SNX24: variants seen among roughly 807,000 people sequenced by gnomAD.
SNX24 encodes the protein sorting nexin 24.
Under a neutral mutation model 28.7 loss-of-function variants are expected in SNX24, and 22 were observed. The observed-to-expected ratio is 0.77, with a 90% CI of 0.55 to 1.10. SNX24 has a LOEUF of 1.10. SNX24 is among the 50% of genes least tolerant of loss of function. SNX24 has a pLI of 0.00. For synonymous variants in SNX24, 69 were observed against 71.5 expected, an observed-to-expected ratio of 0.96 and a Z score of 0.18; for missense variants, 221 against 201.1, an observed-to-expected ratio of 1.10 and a Z score of -0.60.
At chr5:123,029,193 T>C in intron 5 of SNX24, 1 of 1,566,212 alleles carries the variant, frequency 6.4e-7, no homozygotes, top group African/African-American at 1.4e-5. Flanking sequence ...AAGTCAAATG[T>C]GGTAAGGTTC....
chr5:122,926,706 AT>A (rs1431309552), intron 1 of SNX24, among the ~76,000 whole-genome samples: 1 of 152,204 alleles, frequency 6.6e-6, no homozygotes, highest in Non-Finnish European at 1.5e-5. Flanking sequence ...ACAGTGAGAT[AT>A]GGTTTCCAAA....
At chr5:122,921,166 T>C (rs993707387) in intron 1 of SNX24, among the ~76,000 whole-genome samples, 9 of 152,264 alleles carry the variant, frequency 5.9e-5, no homozygotes, top group Admixed American at 2.0e-4. Context: ...TTTTTTTAAC[T>C]TTAACAAAAG....
intron 1 of SNX24, among the ~76,000 whole-genome samples, chr5:122,925,187 A>G (rs1431252031): frequency 6.5e-5 from 3 of 46,280 alleles, no homozygotes; most frequent in African/African-American, 2.6e-4. Context: ...ATCCCCTCCC[A>G]TCCTTCTTCC....
chr5:123,007,869 C>T lies in SNX24; in HGVS notation c.*120C>T. 1 of 1,501,062 alleles carries T rather than the reference C, an allele frequency of 6.7e-7. No homozygotes were observed. The highest frequency in any genetic ancestry group is 8.9e-7 in the Non-Finnish European group (1 of 1,127,958). The allele number at this position is 1,501,062 out of a possible 1,614,324, so 93.0% of individuals were successfully genotyped here. ...AACAGCTCTAGCTAGTGGTAAAGTG[C>T]ACAGTCCCAGCTTAATTCAGGGCAG... On this transcript the variant is annotated 3_prime_UTR_variant, in exon 7 of 7. Coordinates refer to ENST00000261369, the MANE Select transcript of SNX24 (RefSeq NM_014035.4).
intron 1 of SNX24, among the ~76,000 whole-genome samples, chr5:122,860,698 G>A (rs527658692): frequency 2.0e-5 from 3 of 152,228 alleles, no homozygotes; most frequent in South Asian, 2.1e-4. Flanking sequence ...CCGGGTTCAC[G>A]CCATTCTCCT....
At chr5:122,892,339 TTAAC>T (rs1757009511) in intron 1 of SNX24, among the ~76,000 whole-genome samples, 1 of 152,326 alleles carries the variant, frequency 6.6e-6, no homozygotes, top group East Asian at 1.9e-4. Context: ...GACCCAGTGG[TTAAC>T]TAGAGTAATG....
chr5:122,923,256 T>C (rs1011771532), intron 1 of SNX24, among the ~76,000 whole-genome samples: 1 of 151,718 alleles, frequency 6.6e-6, no homozygotes, highest in Non-Finnish European at 1.5e-5. Flanking sequence ...GGAGTATAGC[T>C]TGAGCCCAGG....
At chr5:123,012,682 CAATA>C (rs1461705234), downstream of SNX24, among the ~76,000 whole-genome samples, 1 of 152,088 alleles carries the variant, frequency 6.6e-6, no homozygotes, top group Non-Finnish European at 1.5e-5. Context: ...ACAATAAAAA[CAATA>C]AAGGCTTTTG....
chr5:122,956,349 T>TC (rs1318752024), intron 3 of SNX24, among the ~76,000 whole-genome samples: 1 of 74,542 alleles, frequency 1.3e-5, no homozygotes, highest in Non-Finnish European at 2.4e-5. Context: ...TTAAAACACT[T>TC]GGGAAAAAAA....
At position 123,016,574 on chromosome 5, in the gene SNX24, G is replaced by A. The variant is rs75221572; in HGVS notation, n.384-12664G>A. On this transcript the variant is annotated intron_variant and non_coding_transcript_variant, in intron 5 of 5. Transcript: ENST00000502387. ...TGAAGAGTGGACTGGACAGGCTCAG[G>A]ATTTGAAGCAGAGAGACTTAGGAGG... Among the ~76,000 whole-genome samples, 546 of 152,310 alleles carry A rather than the reference G, an allele frequency of 3.6e-3. 1 individual carries two copies. Among genetic ancestry groups the A allele is most frequent in the Non-Finnish European group, 6.6e-3 (450 of 68,020 alleles).
chr5:123,013,752 C>A (rs1006203799), downstream of SNX24, among the ~76,000 whole-genome samples: 1 of 152,056 alleles, frequency 6.6e-6, no homozygotes, highest in East Asian at 1.9e-4. Flanking sequence ...CATTGGTGTC[C>A]CTAGCTACAA....
chr5:122,845,976 G>T (rs1183868803), intron 1 of SNX24, among the ~76,000 whole-genome samples: 1 of 152,166 alleles, frequency 6.6e-6, no homozygotes. Flanking sequence ...TCTCCCCGCC[G>T]CCCGCCTTCG....
chr5:123,019,031 T>A (rs6880480), intron 5 of SNX24, among the ~76,000 whole-genome samples: 37,617 of 152,038 alleles, frequency 0.25, 5,579 homozygotes, highest in Non-Finnish European at 0.35. Context: ...TATTTGTCAG[T>A]TGGTCTTTTT....
chr5:123,002,416 A>G (rs548268587), intron 6 of SNX24, among the ~76,000 whole-genome samples: 55 of 152,278 alleles, frequency 3.6e-4, no homozygotes, highest in African/African-American at 1.3e-3. Context: ...GTGGATCATG[A>G]GGTCAGGAGA....
chr5:122,851,163 G>T (rs1415847716), intron 1 of SNX24, among the ~76,000 whole-genome samples: 4 of 152,014 alleles, frequency 2.6e-5, no homozygotes, highest in African/African-American at 9.7e-5. Flanking sequence ...TGAGTTTTTT[G>T]GTTTTGTTTT....
At chr5:122,914,919 A>G (rs1758092379) in intron 1 of SNX24, among the ~76,000 whole-genome samples, 1 of 152,180 alleles carries the variant, frequency 6.6e-6, no homozygotes, top group Admixed American at 6.6e-5. Context: ...TTAAAAATGA[A>G]GGCTATGGGT....
chr5:122,903,906 C>G (rs1757540840), intron 1 of SNX24, among the ~76,000 whole-genome samples: 1 of 152,002 alleles, frequency 6.6e-6, no homozygotes, highest in Non-Finnish European at 1.5e-5. Context: ...TAAGCCTCTT[C>G]CTAGGTACAC....
intron 1 of SNX24, among the ~76,000 whole-genome samples, chr5:122,877,474 T>C (rs905345879): frequency 6.6e-6 from 1 of 152,164 alleles, no homozygotes; most frequent in African/African-American, 2.4e-5. Context: ...TGGCATGGGA[T>C]GGACATGAGA....
intron 1 of SNX24, among the ~76,000 whole-genome samples, chr5:122,863,713 A>G (rs2150045010): frequency 6.6e-6 from 1 of 151,914 alleles, no homozygotes; most frequent in African/African-American, 2.4e-5. Flanking sequence ...ATGCTATCAC[A>G]CCTGGCTAAT....
Sources: gnomAD v4.1 joint callset for allele counts (sites outside exome capture counted in the v4.1 genomes callset) on GRCh38, gnomAD v4.1.1 for gene constraint, MANE v1.5 for transcripts, NCBI Gene and HGNC (gene_info 2026-07-23, HGNC 2026-07-21) for gene names.